The following MBNL2 variants were observed in gnomAD, a reference collection of about 807,000 sequenced individuals.
MBNL2 encodes muscleblind-like protein 2.
MBNL2 carries 17 observed loss-of-function variants against 41.9 expected under a neutral mutation model. The observed-to-expected ratio is 0.41, with a 90% CI of 0.28 to 0.61. MBNL2 has a LOEUF of 0.61. Among genes scored for constraint, MBNL2 ranks in the 20% least tolerant of loss-of-function variants. The pLI is 0.35. For synonymous variants in MBNL2, 195 were observed against 182.9 expected, an observed-to-expected ratio of 1.07 and a Z score of -0.53; for missense variants, 336 against 505.6, an observed-to-expected ratio of 0.66 and a Z score of 3.22.
At position 97,335,418 on chromosome 13, in the gene MBNL2, A is replaced by C. The variant is rs538667409; in HGVS notation, c.339+978A>C. On this transcript the variant is annotated intron_variant, in intron 3 of 8. Transcript: ENST00000679496. ...CATGACTGAAACCTACTAAATTAGG[A>C]GGGATGGCTACCAGCAAATTTGATT... Among the ~76,000 whole-genome samples, 28 of 152,190 alleles carry C rather than the reference A, an allele frequency of 1.8e-4. 1 individual carries two copies. In the South Asian group the frequency reaches 5.8e-3, roughly 32 times the overall value.
intron 2 of MBNL2, among the ~76,000 whole-genome samples, chr13:97,295,834 A>G (rs1222910105): frequency 1.3e-5 from 2 of 152,192 alleles, no homozygotes; most frequent in African/African-American, 4.8e-5. Flanking sequence ...TGAATTTTGA[A>G]TAAGTGACTA....
At chr13:97,257,027 G>T (rs573996400) in intron 1 of MBNL2, among the ~76,000 whole-genome samples, 2 of 152,272 alleles carry the variant, frequency 1.3e-5, no homozygotes, top group East Asian at 3.9e-4. Context: ...CTTTAAATCG[G>T]AAAGCATTAC....
intron 7 of MBNL2, among the ~76,000 whole-genome samples, chr13:97,361,450 TAAG>T (rs2063383879): frequency 6.6e-6 from 1 of 152,152 alleles, no homozygotes; most frequent in South Asian, 2.1e-4. Flanking sequence ...TGGGGCTTGC[TAAG>T]AAGATCAGGA....
intron 1 of MBNL2, among the ~76,000 whole-genome samples, chr13:97,224,205 C>T (rs982141667): frequency 5.3e-5 from 8 of 152,200 alleles, no homozygotes; most frequent in East Asian, 3.9e-4. Flanking sequence ...GGATGGTCCC[C>T]GGGGCCCTAT....
intron 1 of MBNL2, among the ~76,000 whole-genome samples, chr13:97,273,953 C>T (rs1005521240): frequency 3.3e-5 from 5 of 151,890 alleles, no homozygotes; most frequent in Non-Finnish European, 5.9e-5. Context: ...CCCAGCTACT[C>T]GGGAAGCTGA....
intron 2 of MBNL2, among the ~76,000 whole-genome samples, chr13:97,316,161 C>T (rs76417103): frequency 0.12 from 18,948 of 152,224 alleles, 2,259 homozygotes; most frequent in African/African-American, 0.31. Flanking sequence ...GACAAAAATC[C>T]CCTTCCAGGG....
chr13:97,259,618 T>G (rs2048229680), intron 1 of MBNL2, among the ~76,000 whole-genome samples: 3 of 152,196 alleles, frequency 2.0e-5, no homozygotes, highest in Admixed American at 1.3e-4. Context: ...TCAGCCGAGC[T>G]GGTAAGATTT....
chr13:97,253,053 T>C (rs937745720), intron 1 of MBNL2, among the ~76,000 whole-genome samples: 1 of 152,208 alleles, frequency 6.6e-6, no homozygotes, highest in African/African-American at 2.4e-5. Flanking sequence ...CAGCAGATTT[T>C]TCATCTTGCT....
intron 8 of MBNL2, among the ~76,000 whole-genome samples, chr13:97,368,700 T>TGTGTGTGTG (rs2064086007): frequency 4.7e-5 from 7 of 148,270 alleles, no homozygotes; most frequent in Non-Finnish European, 1.0e-4. Context: ...ATATTCAAGT[T>TGTGTGTGTG]TGTGTGTGTG....
Position 97,340,106 on chromosome 13 carries a change from G to A in MBNL2, c.340-2910G>A, listed in dbSNP as rs924208173. On this transcript the variant is annotated intron_variant, in intron 3 of 8. Coordinates refer to ENST00000679496, the MANE Select transcript of MBNL2 (RefSeq NM_001382683.1). ...CCGCACTTGCTTCTCATGGATTTGA[G>A]AAGATTAAAGAAGACAAGTGTGAGA... Among the ~76,000 whole-genome samples, 4 of 152,302 alleles carry A rather than the reference G, an allele frequency of 2.6e-5. No individual in the cohort carries two copies. In the East Asian group the frequency reaches 7.7e-4, roughly 29 times the overall value.
chr13:97,242,504 G>A (rs920489313), intron 1 of MBNL2, among the ~76,000 whole-genome samples: 3 of 152,090 alleles, frequency 2.0e-5, no homozygotes, highest in South Asian at 2.1e-4. Context: ...GTTACCTGCC[G>A]TCTTCTACCC....
chr13:97,338,218 G>C (rs189578866), intron 3 of MBNL2, among the ~76,000 whole-genome samples: 1 of 152,178 alleles, frequency 6.6e-6, no homozygotes, highest in East Asian at 1.9e-4. Context: ...AACACACACA[G>C]CTCGTGTGTG....
the MBNL2 span, among the ~76,000 whole-genome samples, chr13:97,171,512 A>G: frequency 1.3e-5 from 2 of 152,222 alleles, no homozygotes; most frequent in Admixed American, 1.3e-4. Context: ...TGTACATACA[A>G]TATACAACAC....
intron 2 of MBNL2, among the ~76,000 whole-genome samples, chr13:97,287,934 G>GTTTTT (rs1397865029): frequency 1.4e-5 from 1 of 73,634 alleles, no homozygotes; most frequent in African/African-American, 4.8e-5. Context: ...TTTTTGTTTT[G>GTTTTT]TTTTGTTTTT....
chr13:97,249,247 A>C (rs2046067646), intron 1 of MBNL2, among the ~76,000 whole-genome samples: 1 of 152,200 alleles, frequency 6.6e-6, no homozygotes, highest in African/African-American at 2.4e-5. Context: ...TAAGATGTTC[A>C]GTCTGGAAAG....
chr13:97,178,559 CAG>C, the MBNL2 span, among the ~76,000 whole-genome samples: 1 of 152,162 alleles, frequency 6.6e-6, no homozygotes, highest in Admixed American at 6.5e-5. Flanking sequence ...TCTTTCATAG[CAG>C]AGAGAATCAA....
intron 7 of MBNL2, among the ~76,000 whole-genome samples, chr13:97,363,877 G>C (rs765755641): frequency 6.6e-6 from 1 of 151,876 alleles, no homozygotes; most frequent in South Asian, 2.1e-4. Context: ...GCCCTCCAGC[G>C]TGAACAGCTC....
At chr13:97,272,176 G>C (rs867893064) in intron 1 of MBNL2, among the ~76,000 whole-genome samples, 1 of 152,156 alleles carries the variant, frequency 6.6e-6, no homozygotes, top group East Asian at 1.9e-4. Flanking sequence ...CTGATGATCA[G>C]TGATGTTGAG....
intron 1 of MBNL2, among the ~76,000 whole-genome samples, chr13:97,242,077 G>A (rs2044400175): frequency 1.3e-5 from 2 of 152,116 alleles, no homozygotes. Context: ...CCACAACTCG[G>A]AGAAGGTGTC....
Sources: gnomAD v4.1 joint callset for allele counts (sites outside exome capture counted in the v4.1 genomes callset) on GRCh38, gnomAD v4.1.1 for gene constraint, MANE v1.5 for transcripts, NCBI Gene and HGNC (gene_info 2026-07-23, HGNC 2026-07-21) for gene names.